The following SV2B variants were observed in gnomAD, a reference collection of about 807,000 sequenced individuals.
The protein encoded by SV2B is synaptic vesicle glycoprotein 2B.
In SV2B, 41 loss-of-function variants were observed where a neutral mutation model predicts 73.9. The observed-to-expected ratio is 0.56, with a 90% CI of 0.43 to 0.72. The LOEUF (loss-of-function observed/expected upper bound fraction) is 0.72, where lower values mean the gene tolerates loss of function less well. SV2B is among the 30% of genes least tolerant of loss of function. The probability of loss-of-function intolerance (pLI) is 0.00; values close to 1 mark genes in which losing one functional copy is unlikely to be tolerated. For synonymous variants in SV2B, 314 were observed against 314.2 expected (o/e 1.00, Z 0.01); for missense variants, 764 against 857.8 (o/e 0.89, Z 1.37).
chr15:91,212,234 A>G (rs1008484876), intron 1 of SV2B, among the ~76,000 whole-genome samples: 2 of 152,206 alleles, frequency 1.3e-5, no homozygotes, highest in Non-Finnish European at 2.9e-5. Context: ...CAAAAGCAAG[A>G]ATGAAAACTC....
rs1373491508 is a variant in SV2B at position 91,267,477 on chromosome 15, T to G, written c.1120-78T>G. 1.2e-5 allele frequency: 15 copies of G among 1,278,320 alleles called. No homozygotes were observed. Among genetic ancestry groups the G allele is most frequent in the Non-Finnish European group, 1.5e-5 (13 of 891,578 alleles). The allele number at this position is 1,278,320 out of a possible 1,614,324, so 79.2% of individuals were successfully genotyped here. On this transcript the variant is annotated intron_variant, in intron 7 of 12. Transcript: ENST00000394232. This position sits in a 1 kb window ranked among gnomAD's most constrained non-coding sequence, Gnocchi z 4.3. ...TTCCTAGGCAACTTATTAGAATATC[T>G]GAGTAATGAGCTCTTCGTGGGAGAA...
At chr15:91,193,289 C>T (rs1429422473) in intron 1 of SV2B, among the ~76,000 whole-genome samples, 6 of 152,284 alleles carry the variant, frequency 3.9e-5, no homozygotes, top group Non-Finnish European at 8.8e-5. Flanking sequence ...CATAGTAGTA[C>T]GTCAACAGTT....
At chr15:91,131,147 GTT>G (rs56130189) in intron 1 of SV2B, among the ~76,000 whole-genome samples, 115 of 118,024 alleles carry the variant, frequency 9.7e-4, no homozygotes, top group East Asian at 4.4e-3. Context: ...ATGTTTTCTT[GTT>G]TTTTTTTTTT....
In SV2B at chr15:91,139,790, C is replaced by A. The variant is rs72764732; in HGVS notation, c.-392+39427C>A. 0.11 allele frequency among the ~76,000 whole-genome samples: 17,084 copies of A among 152,124 alleles called. 1,014 individuals are homozygous for A. The highest frequency in any genetic ancestry group is 0.13 in the Middle Eastern group (37 of 294). ...ACTTTTGAGGATGCAAGGAGGTACT[C>A]AGATAATTAACAGGCGTCAGTTGGT... On this transcript the variant is annotated intron_variant, in intron 1 of 12. Coordinates refer to ENST00000394232, the MANE Select transcript of SV2B (RefSeq NM_001323032.3). The surrounding 1 kb of genome is among the most constrained non-coding windows in gnomAD (Gnocchi z 5.2).
At chr15:91,230,688 C>CA (rs1202907733) in intron 2 of SV2B, among the ~76,000 whole-genome samples, 1 of 152,200 alleles carries the variant, frequency 6.6e-6, no homozygotes, top group Admixed American at 6.5e-5. Flanking sequence ...TAATTAAACT[C>CA]TTCACCCATT....
At chr15:91,171,658 C>G (rs1003011448) in intron 1 of SV2B, among the ~76,000 whole-genome samples, 2 of 152,210 alleles carry the variant, frequency 1.3e-5, no homozygotes, top group African/African-American at 2.4e-5. Context: ...CTCATCATCT[C>G]TCCTCGTGAT....
chr15:91,103,789 A>T (rs2041803936), intron 1 of SV2B, among the ~76,000 whole-genome samples: 1 of 152,168 alleles, frequency 6.6e-6, no homozygotes, highest in Non-Finnish European at 1.5e-5. Context: ...GGTGTCCCCG[A>T]GTCCACCTCA....
At chr15:91,154,121 CAAT>C (rs988538440) in intron 1 of SV2B, among the ~76,000 whole-genome samples, 7 of 145,226 alleles carry the variant, frequency 4.8e-5, no homozygotes, top group African/African-American at 1.0e-4. Flanking sequence ...TATTTTATAT[CAAT>C]ATATTAATAT....
Position 91,137,874 on chromosome 15 carries a change from G to A in SV2B, c.-392+37511G>A, listed in dbSNP as rs2042890304. ...ACTGGTAAATAAGAAGAGAGAATCAGGTGTTTACTTTGCCTTTCCAATACA... is the reference window on the plus strand; with the variant it reads ...ACTGGTAAATAAGAAGAGAGAATCAAGTGTTTACTTTGCCTTTCCAATACA... On this transcript the variant is annotated intron_variant, in intron 1 of 12. Transcript: ENST00000394232. The surrounding 1 kb of genome is among the most constrained non-coding windows in gnomAD (Gnocchi z 4.9). 6.6e-6 allele frequency among the ~76,000 whole-genome samples: 1 copy of A among 151,928 alleles called. No individual in the cohort carries two copies. The highest frequency in any genetic ancestry group is 1.5e-5 in the Non-Finnish European group (1 of 67,998).
Position 91,181,070 on chromosome 15 carries a change from T to C in SV2B, c.-391-44803T>C, listed in dbSNP as rs1282309296. ...TGATGGTGATGTACAGATGGGTTTT[T>C]GGTGTGGATGTCCTTTCTGTTTGTT... On this transcript the variant is annotated intron_variant, in intron 1 of 12. Transcript: ENST00000394232. Among the ~76,000 whole-genome samples the C allele has an allele frequency of 3.3e-5, 5 of 152,308 alleles. No individual in the cohort carries two copies. In the South Asian group the frequency reaches 1.0e-3, roughly 32 times the overall value.
At chr15:91,113,794 C>T (rs146035865) in intron 1 of SV2B, among the ~76,000 whole-genome samples, 7 of 152,292 alleles carry the variant, frequency 4.6e-5, no homozygotes, top group Admixed American at 2.6e-4. Flanking sequence ...AGTTTAACTT[C>T]ACAGAGCCTC....
chr15:91,198,450 C>CGTGTGT (rs1225238820), intron 1 of SV2B, among the ~76,000 whole-genome samples: 12 of 97,506 alleles, frequency 1.2e-4, no homozygotes, highest in African/African-American at 4.3e-4. Context: ...CCAAGAAGCA[C>CGTGTGT]GTGTATGTGT....
At chr15:91,166,836 T>C (rs1350303650) in intron 1 of SV2B, among the ~76,000 whole-genome samples, 2 of 150,592 alleles carry the variant, frequency 1.3e-5, no homozygotes, top group Non-Finnish European at 3.0e-5. Flanking sequence ...TTTTTTGAGA[T>C]GGAGTCTTGC....
chr15:91,185,289 A>T (rs916811496), intron 1 of SV2B, among the ~76,000 whole-genome samples: 1 of 152,162 alleles, frequency 6.6e-6, no homozygotes, highest in Admixed American at 6.5e-5. Context: ...AATCAAATTT[A>T]TTTTGATATT....
intron 12 of SV2B, 91 bp from the exon 13 acceptor site, chr15:91,292,278 C>G: frequency 7.5e-7 from 1 of 1,333,734 alleles, no homozygotes; most frequent in Non-Finnish European, 1.0e-6. Context: ...CTTGCACCCT[C>G]TTCCCCCTGC....
At chr15:91,168,518 C>T (rs72764761) in intron 1 of SV2B, among the ~76,000 whole-genome samples, 9,916 of 152,142 alleles carry the variant, frequency 0.065, 429 homozygotes, top group Non-Finnish European at 0.089. Context: ...AAAGGGGATA[C>T]CTCCCACATC....
At position 91,261,614 on chromosome 15, in the gene SV2B, TA is replaced by T. The variant is rs779211292; in HGVS notation, c.1008+1206del. ...AAAGTGCTGGCTCAGAGAGCTTGGA[TA>T]TTTTTATAGCTCTTGAGATACATTG... On this transcript the variant is annotated intron_variant, in intron 6 of 12. Coordinates refer to ENST00000394232, the MANE Select transcript of SV2B (RefSeq NM_001323032.3). The surrounding 1 kb of genome is among the most constrained non-coding windows in gnomAD (Gnocchi z 4.7). Among the ~76,000 whole-genome samples, 3 of 152,290 alleles carry T rather than the reference TA, an allele frequency of 2.0e-5. No individual in the cohort carries two copies. In the East Asian group the frequency reaches 5.8e-4, roughly 29 times the overall value.
chr15:91,120,464 G>A, intron 1 of SV2B, among the ~76,000 whole-genome samples: 1 of 152,080 alleles, frequency 6.6e-6, no homozygotes, highest in East Asian at 1.9e-4. Context: ...ATTTGGGTGG[G>A]GACATGGAGC....
rs910102422 is a variant in SV2B, at chr15:91,139,614, A to G, written c.-392+39251A>G. On this transcript the variant is annotated intron_variant, in intron 1 of 12. Coordinates refer to ENST00000394232, the MANE Select transcript of SV2B (RefSeq NM_001323032.3). This position sits in a 1 kb window ranked among gnomAD's most constrained non-coding sequence, Gnocchi z 5.2. ...CCCCAGCTAAGGTGATCCCAGGTCT[A>G]CAGTGTCCCTGGCTGTCAGAGAAGG... Among the ~76,000 whole-genome samples, 4 of 152,194 alleles carry G rather than the reference A, an allele frequency of 2.6e-5. No homozygotes were observed. Among genetic ancestry groups the G allele is most frequent in the Admixed American group, 6.5e-5 (1 of 15,276 alleles).
Sources: allele counts gnomAD v4.1 joint callset (sites outside exome capture counted in the v4.1 genomes callset), GRCh38; gene constraint gnomAD v4.1.1; non-coding constraint Gnocchi (gnomAD v3.1); transcripts MANE v1.5; gene names NCBI Gene and HGNC (gene_info 2026-07-23, HGNC 2026-07-21).